The following OSMR variants were observed in gnomAD, a reference collection of about 807,000 sequenced individuals.
OSMR encodes oncostatin M receptor, also known as oncostatin-M-specific receptor subunit beta.
A neutral mutation model predicts 99.9 loss-of-function variants in OSMR; 81 were observed. The observed-to-expected ratio is 0.81, with a 90% CI of 0.68 to 0.97. The LOEUF (loss-of-function observed/expected upper bound fraction) is 0.97. Among genes scored for constraint, OSMR ranks in the 50% least tolerant of loss-of-function variants. The pLI, the probability that OSMR is intolerant of heterozygous loss-of-function variation, is 0.00. For missense variants in OSMR, 1,099 were observed against 1,153.4 expected, an observed-to-expected ratio of 0.95 and a Z score of 0.68; for synonymous variants, 406 against 410.4, an observed-to-expected ratio of 0.99 and a Z score of 0.13.
intron 9 of OSMR, among the ~76,000 whole-genome samples, chr5:38,906,971 A>G (rs1745277642): frequency 6.6e-6 from 1 of 152,228 alleles, no homozygotes; most frequent in Non-Finnish European, 1.5e-5. Flanking sequence ...ACACTTTCAC[A>G]CTTAGCAGCC....
chr5:38,906,757 G>C (rs776574959), intron 9 of OSMR, among the ~76,000 whole-genome samples: 2 of 152,136 alleles, frequency 1.3e-5, no homozygotes, highest in Admixed American at 6.5e-5. Context: ...AGGCAAAAAA[G>C]ATTATATTTT....
chr5:38,944,277 G>A (rs1284472683), exon 2 of OSMR: 8 of 699,758 alleles, frequency 1.1e-5, no homozygotes, highest in Non-Finnish European at 2.1e-5. Context: ...GTTGCCATAT[G>A]TTGTTTTGGC....
chr5:38,939,336 A>C (rs1277845319), downstream of OSMR: 2 of 232,378 alleles, frequency 8.6e-6, no homozygotes, highest in African/African-American at 4.4e-5. Context: ...AAGGACTTGT[A>C]CACATTATGT....
At position 38,925,266 on chromosome 5, in the gene OSMR, A is replaced by G. The variant is rs781008434; in HGVS notation, c.2107A>G (p.Asn703Asp). 2 of 1,613,910 alleles carry G rather than the reference A, an allele frequency of 1.2e-6. No individual in the cohort carries two copies. The highest frequency in any genetic ancestry group is 1.1e-5 in the South Asian group (1 of 91,086). Reference sequence around the variant, plus strand: ...GGAAGAAAAGGCATTGATTGTGGACAACCTAAAGCCAGAATCCTTCTATGA... The same window carrying G: ...GGAAGAAAAGGCATTGATTGTGGACGACCTAAAGCCAGAATCCTTCTATGA... ...NPEEKALIVD[N>D]LKPESFYEFF... The change falls in exon 15 of 18, where the codon AAC (asparagine) becomes GAC (aspartate). Residue 703 changes from asparagine (N) to aspartate (D), a missense_variant. Asn to Asp is a conservative substitution (Grantham distance 23). Coordinates refer to ENST00000274276, the MANE Select transcript of OSMR (RefSeq NM_003999.3).
intron 1 of OSMR, among the ~76,000 whole-genome samples, chr5:38,867,753 C>G (rs957540115): frequency 6.6e-6 from 1 of 152,184 alleles, no homozygotes; most frequent in Non-Finnish European, 1.5e-5. Flanking sequence ...ATATGCTAAC[C>G]TAGGTTAAAT....
At chr5:38,917,333 C>G (rs927186795) in intron 9 of OSMR, 1 of 770,288 alleles carries the variant, frequency 1.3e-6, no homozygotes, top group African/African-American at 1.9e-5. Context: ...AGGCAGCTGA[C>G]CTTTTTATAA....
intron 2 of OSMR, among the ~76,000 whole-genome samples, chr5:38,871,049 G>A (rs1019153724): frequency 3.3e-5 from 5 of 152,206 alleles, no homozygotes; most frequent in Non-Finnish European, 7.3e-5. Context: ...GGCTAAGTAG[G>A]AAGTGGGGAA....
At chr5:38,868,529 G>A (rs977470526) in intron 1 of OSMR, among the ~76,000 whole-genome samples, 3 of 152,148 alleles carry the variant, frequency 2.0e-5, no homozygotes, top group African/African-American at 4.8e-5. Context: ...GATCTGATGG[G>A]CTTATCAAGG....
At chr5:38,865,890 C>T (rs1226921840) in intron 1 of OSMR, among the ~76,000 whole-genome samples, 1 of 152,176 alleles carries the variant, frequency 6.6e-6, no homozygotes, top group Non-Finnish European at 1.5e-5. Context: ...CTGGTGGTGG[C>T]TGTGATGGGC....
At position 38,862,536 on chromosome 5, in the gene OSMR, G is replaced by A. The variant is rs1340984738; in HGVS notation, c.-13-6496G>A. On this transcript the variant is annotated intron_variant, in intron 1 of 17. Coordinates refer to ENST00000274276, the MANE Select transcript of OSMR (RefSeq NM_003999.3). Reference sequence around the variant, plus strand: ...TCACTTCTCAGACGGGGCAGTTGCCGGGCAGAGGGTCTCCTCACTTCTCAG... The same window carrying A: ...TCACTTCTCAGACGGGGCAGTTGCCAGGCAGAGGGTCTCCTCACTTCTCAG... Among the ~76,000 whole-genome samples the A allele has an allele frequency of 2.5e-4, 37 of 149,768 alleles. No homozygotes were observed. In the East Asian group the frequency reaches 4.3e-3, roughly 17 times the overall value.
chr5:38,880,587 A>G (rs555235), intron 3 of OSMR, among the ~76,000 whole-genome samples: 70,097 of 152,114 alleles, frequency 0.46, 16,823 homozygotes, highest in African/African-American at 0.58. Flanking sequence ...CCTTCATGAA[A>G]GAGAAGGGAC....
intron 7 of OSMR, among the ~76,000 whole-genome samples, chr5:38,892,083 C>A (rs1032610952): frequency 6.6e-5 from 10 of 152,260 alleles, no homozygotes; most frequent in African/African-American, 2.4e-4. Flanking sequence ...AGGTGTGGCA[C>A]CCGTGCGTGC....
chr5:38,886,447 G>A (rs980486730), intron 7 of OSMR: 12 of 923,190 alleles, frequency 1.3e-5, no homozygotes, highest in Non-Finnish European at 1.8e-5. Flanking sequence ...AATAACTTCT[G>A]TCATATCTCA....
At chr5:38,908,280 C>T (rs1745369447) in intron 9 of OSMR, among the ~76,000 whole-genome samples, 1 of 152,210 alleles carries the variant, frequency 6.6e-6, no homozygotes, top group Admixed American at 6.5e-5. Flanking sequence ...CCTCCTGCCT[C>T]CACCACTGCC....
At chr5:38,929,246 A>G (rs570181016) in intron 15 of OSMR, among the ~76,000 whole-genome samples, 1 of 152,364 alleles carries the variant, frequency 6.6e-6, no homozygotes, top group Admixed American at 6.5e-5. Flanking sequence ...TAATGTTGAC[A>G]TTGCAAAATA....
intron 9 of OSMR, among the ~76,000 whole-genome samples, chr5:38,908,515 T>A (rs1745384157): frequency 1.3e-5 from 2 of 151,948 alleles, no homozygotes; most frequent in African/African-American, 4.8e-5. Flanking sequence ...CTCATTGGAG[T>A]TTTGTGGCCA....
At chr5:38,853,622 A>AT (rs1391410594) in intron 1 of OSMR, among the ~76,000 whole-genome samples, 1 of 152,136 alleles carries the variant, frequency 6.6e-6, no homozygotes, top group African/African-American at 2.4e-5. Flanking sequence ...ATATGTACAT[A>AT]TTTTTTGGAT....
At chr5:38,904,171 T>A (rs1386908745) in intron 8 of OSMR, 147 bp downstream of exon 8, 1 of 1,526,046 alleles carries the variant, frequency 6.6e-7, no homozygotes, top group African/African-American at 1.4e-5. Flanking sequence ...ATGAAATTAA[T>A]CATACACTTT....
At chr5:38,877,029 C>T (rs1742894425) in intron 3 of OSMR, among the ~76,000 whole-genome samples, 1 of 152,156 alleles carries the variant, frequency 6.6e-6, no homozygotes, top group African/African-American at 2.4e-5. Flanking sequence ...CCTGAGGTGT[C>T]CCCATCTAGT....
Sources: gnomAD v4.1 joint callset for allele counts (sites outside exome capture counted in the v4.1 genomes callset) on GRCh38, gnomAD v4.1.1 for gene constraint, MANE v1.5 for transcripts, NCBI Gene and HGNC (gene_info 2026-07-23, HGNC 2026-07-21) for gene names.